Variants in CD300E observed in about 807,000 individuals in gnomAD.
CD300E encodes the protein CMRF35-like molecule 2.
A neutral mutation model predicts 20.9 loss-of-function variants in CD300E; 14 were observed. The ratio of observed to expected loss-of-function variants is 0.67; its 90% CI spans 0.44 to 1.05. CD300E has a LOEUF of 1.05. CD300E is among the 50% of genes least tolerant of loss of function. The probability of loss-of-function intolerance (pLI) is 0.00; values close to 1 mark genes in which losing one functional copy is unlikely to be tolerated. For missense variants in CD300E, 237 were observed against 253.9 expected, an observed-to-expected ratio of 0.93 and a Z score of 0.45; for synonymous variants, 102 against 103.7, an observed-to-expected ratio of 0.98 and a Z score of 0.10.
intron 1 of CD300E, among the ~76,000 whole-genome samples, chr17:74,618,585 CT>C (rs1291318318): frequency 6.6e-6 from 1 of 152,130 alleles, no homozygotes; most frequent in Admixed American, 6.5e-5. Context: ...GGAGGAGCCC[CT>C]GACTTCTGGC....
At chr17:74,616,039 G>A (rs999633925) in intron 2 of CD300E, among the ~76,000 whole-genome samples, 2 of 152,140 alleles carry the variant, frequency 1.3e-5, no homozygotes, top group African/African-American at 4.8e-5. Context: ...AGCCGAGATC[G>A]CTCCACGGCA....
At chr17:74,620,640 CAA>C (rs34942098) in intron 1 of CD300E, among the ~76,000 whole-genome samples, 4 of 127,228 alleles carry the variant, frequency 3.1e-5, no homozygotes, top group Admixed American at 7.9e-5. Context: ...AGACTCCGGC[CAA>C]AAAAAAAAAA....
intron 2 of CD300E, among the ~76,000 whole-genome samples, chr17:74,616,085 A>G (rs2030893111): frequency 6.6e-6 from 1 of 152,136 alleles, no homozygotes; most frequent in Non-Finnish European, 1.5e-5. Context: ...CCATGTCTCA[A>G]TAAAAGAAAA....
At chr17:74,622,106 C>T (rs2455940) in intron 1 of CD300E, among the ~76,000 whole-genome samples, 122,715 of 151,742 alleles carry the variant, frequency 0.81, 50,384 homozygotes, top group Non-Finnish European at 0.88. Flanking sequence ...ACTCAACCAA[C>T]GTTTGCTTAT....
At chr17:74,623,134 G>A (rs2031055416) in intron 1 of CD300E, among the ~76,000 whole-genome samples, 1 of 152,152 alleles carries the variant, frequency 6.6e-6, no homozygotes, top group Admixed American at 6.5e-5. Flanking sequence ...GGTCTTTAAT[G>A]TCCTCACACT....
chr17:74,616,883 T>C (rs914263151), intron 2 of CD300E, among the ~76,000 whole-genome samples: 4 of 152,066 alleles, frequency 2.6e-5, no homozygotes, highest in Admixed American at 1.3e-4. Flanking sequence ...CGCTGGATAA[T>C]GGGGTGAGGC....
Position 74,612,342 on chromosome 17 carries a change from C to A in CD300E, c.*311G>T, listed in dbSNP as rs530539630. The A allele has an allele frequency of 1.9e-5, 4 of 206,770 alleles. No individual in the cohort carries two copies. Among genetic ancestry groups the A allele is most frequent in the Non-Finnish European group, 3.9e-5 (4 of 101,616 alleles). 12.8% of individuals were successfully genotyped at this position (206,770 alleles called of 1,614,324 possible). Reference sequence around the variant, plus strand: ...CTCTTACGTTCAGCCGATCCTCCTGCCTCAGCCTCCTGAGCTGGGATTATA... The same window carrying A: ...CTCTTACGTTCAGCCGATCCTCCTGACTCAGCCTCCTGAGCTGGGATTATA... On this transcript the variant is annotated 3_prime_UTR_variant, in exon 4 of 4. Transcript: ENST00000392619.
chr17:74,613,376 G>A (rs1245673444), intron 3 of CD300E, among the ~76,000 whole-genome samples: 4 of 152,286 alleles, frequency 2.6e-5, no homozygotes, highest in African/African-American at 9.6e-5. Context: ...TGTTGGGATT[G>A]CAGGCGTGAG....
intron 3 of CD300E, 48 bp downstream of exon 3, chr17:74,613,877 C>T: frequency 7.5e-7 from 1 of 1,333,814 alleles, no homozygotes; most frequent in South Asian, 1.2e-5. Flanking sequence ...CCCCCAGCTT[C>T]CACCCCAGGG....
chr17:74,622,594 A>T (rs554950066), intron 1 of CD300E, among the ~76,000 whole-genome samples: 1 of 152,336 alleles, frequency 6.6e-6, no homozygotes, highest in East Asian at 1.9e-4. Flanking sequence ...CCCCAGAGAC[A>T]AATGTGTTTT....
intron 2 of CD300E, among the ~76,000 whole-genome samples, chr17:74,615,676 T>C (rs1447573986): frequency 6.6e-6 from 1 of 152,198 alleles, no homozygotes; most frequent in Non-Finnish European, 1.5e-5. Flanking sequence ...GGAAACCCCT[T>C]AGTCCTGGGC....
In CD300E at chr17:74,612,597, C is replaced by T. The variant is rs1337347187; in HGVS notation, c.*56G>A. Reference sequence around the variant, plus strand: ...CGCATCCAGTCTGAAAGGTTGACTCCCTGCACGGGGCACTCCTGGGGATGG... The same window carrying T: ...CGCATCCAGTCTGAAAGGTTGACTCTCTGCACGGGGCACTCCTGGGGATGG... On this transcript the variant is annotated 3_prime_UTR_variant, in exon 4 of 4. Transcript: ENST00000392619. 2 of 1,598,960 alleles carry T rather than the reference C, an allele frequency of 1.3e-6. No individual in the cohort carries two copies. The highest frequency in any genetic ancestry group is 8.5e-7 in the Non-Finnish European group (1 of 1,174,942).
intron 2 of CD300E, among the ~76,000 whole-genome samples, chr17:74,614,427 T>C (rs1449166844): frequency 6.6e-6 from 1 of 150,670 alleles, no homozygotes; most frequent in Non-Finnish European, 1.5e-5. Flanking sequence ...CCAAGAAGCC[T>C]CGTAGAGACC....
chr17:74,620,084 A>G (rs965621501), intron 1 of CD300E, among the ~76,000 whole-genome samples: 4 of 152,260 alleles, frequency 2.6e-5, no homozygotes, highest in Non-Finnish European at 4.4e-5. Context: ...CACGCCTGTA[A>G]TCCCAGCACT....
intron 3 of CD300E, among the ~76,000 whole-genome samples, chr17:74,613,715 A>C (rs2030833779): frequency 1.3e-5 from 2 of 152,232 alleles, no homozygotes; most frequent in South Asian, 4.1e-4. Flanking sequence ...CCTGAGTCCC[A>C]GTAGCTGCCC....
chr17:74,620,442 G>T (rs2030996386), intron 1 of CD300E, among the ~76,000 whole-genome samples: 1 of 152,118 alleles, frequency 6.6e-6, no homozygotes, highest in Admixed American at 6.6e-5. Context: ...TGCACTCTAG[G>T]CTGGGCAACA....
In CD300E at chr17:74,617,274, T is replaced by C. The variant is rs761406417; in HGVS notation, c.232A>G (p.Ile78Val). 3 of 1,614,230 alleles carry C rather than the reference T, an allele frequency of 1.9e-6. No homozygotes were observed. The highest frequency in any genetic ancestry group is 4.5e-5 in the East Asian group (2 of 44,886). Reference sequence around the variant, plus strand: ...GCGAGAGCCTCCGGGTGGTCTCTGATGGACACGCGGCCATTCCTCTCCACC... The same window carrying C: ...GCGAGAGCCTCCGGGTGGTCTCTGACGGACACGCGGCCATTCCTCTCCACC... ...EKVERNGRVS[I>V]RDHPEALAFT... The change falls in exon 2 of 4, where the codon ATC becomes GTC. Residue 78 changes from isoleucine to valine, a missense_variant. Ile to Val is a conservative substitution (Grantham distance 29). Coordinates refer to ENST00000392619, the MANE Select transcript of CD300E (RefSeq NM_181449.3).
At chr17:74,619,213 G>C (rs1159203026) in intron 1 of CD300E, 1 of 459,526 alleles carries the variant, frequency 2.2e-6, no homozygotes, top group African/African-American at 2.0e-5. Flanking sequence ...AGCTTGGCAG[G>C]GTACAAAGGG....
At chr17:74,613,813 A>T (rs1188614676) in intron 3 of CD300E, 112 bp downstream of exon 3, 8 of 661,844 alleles carry the variant, frequency 1.2e-5, no homozygotes, top group Non-Finnish European at 8.2e-6. Flanking sequence ...AGGACCAGAG[A>T]TGGAGAGAAA....
Sources: gnomAD v4.1 joint callset for allele counts (sites outside exome capture counted in the v4.1 genomes callset) on GRCh38, gnomAD v4.1.1 for gene constraint, MANE v1.5 for transcripts, NCBI Gene and HGNC (gene_info 2026-07-23, HGNC 2026-07-21) for gene names.